The following CAMTA1 variants were observed in gnomAD, a reference collection of about 807,000 sequenced individuals.
CAMTA1 encodes calmodulin-binding transcription activator 1.
A neutral mutation model predicts 170.9 loss-of-function variants in CAMTA1; 27 were observed. That is an observed-to-expected ratio of 0.16 (90% CI 0.12 to 0.22). The LOEUF is 0.22. Ranked by LOEUF, CAMTA1 falls within the 10% of genes least tolerant of loss-of-function variation. CAMTA1 has a pLI of 1.00. For missense variants in CAMTA1, 1,619 were observed against 2,217.2 expected (o/e 0.73, Z 5.42); for synonymous variants, 833 against 891.5 (o/e 0.93, Z 1.17).
Position 7,333,304 on chromosome 1 carries a change from T to C in CAMTA1, c.438+83678T>C, listed in dbSNP as rs541454286. Among the ~76,000 whole-genome samples, 53 of 152,306 alleles carry C rather than the reference T, an allele frequency of 3.5e-4. No homozygotes were observed. The highest frequency in any genetic ancestry group is 1.3e-3 in the African/African-American group (52 of 41,578). ...GCAAGCTTTGGCAATTGACATGAGT[T>C]GAACCTAGTTGTCATTCCTGCCGGT... On this transcript the variant is annotated intron_variant, in intron 5 of 22. Transcript: ENST00000303635. This position sits in a 1 kb window ranked among gnomAD's most constrained non-coding sequence, Gnocchi z 4.4.
chr1:7,298,118 ATCTG>A (rs1674236340), intron 5 of CAMTA1, among the ~76,000 whole-genome samples: 1 of 152,184 alleles, frequency 6.6e-6, no homozygotes, highest in South Asian at 2.1e-4. Context: ...TTAGGCTGGT[ATCTG>A]TCTGTAGAGG....
At chr1:7,106,270 G>GAA (rs1553247388) in intron 4 of CAMTA1, among the ~76,000 whole-genome samples, 1 of 151,524 alleles carries the variant, frequency 6.6e-6, no homozygotes, top group Non-Finnish European at 1.5e-5. Flanking sequence ...GAGAGAGAGA[G>GAA]AGAAAGAAAG....
In CAMTA1 at chr1:7,542,838, A is replaced by AGTTTGTGTGT. The variant is rs745940570; in HGVS notation, c.510+74939_510+74940insTTGTGTGTGT. On this transcript the variant is annotated intron_variant, in intron 6 of 22. Transcript: ENST00000303635. ...AGCCACCACGCCTGGCCTAAAACAC[A>AGTTTGTGTGT]GTGTGTGTGTGTGTGTGTGTGTGTG... 1.4e-3 allele frequency among the ~76,000 whole-genome samples: 80 copies of AGTTTGTGTGT among 56,008 alleles called. 1 individual carries two copies. The highest frequency in any genetic ancestry group is 3.2e-3 in the African/African-American group (47 of 14,600). 36.7% of individuals were successfully genotyped at this position (56,008 alleles called of 152,430 possible).
At chr1:6,910,016 G>A (rs925032856) in intron 3 of CAMTA1, among the ~76,000 whole-genome samples, 8 of 152,244 alleles carry the variant, frequency 5.3e-5, no homozygotes, top group African/African-American at 1.9e-4. Flanking sequence ...CTGAAAATCA[G>A]TTGGCCTTTC....
intron 5 of CAMTA1, among the ~76,000 whole-genome samples, chr1:7,298,984 G>C (rs1361725893): frequency 2.6e-5 from 4 of 152,158 alleles, no homozygotes; most frequent in Non-Finnish European, 5.9e-5. Context: ...AGCTAAGGAG[G>C]CTATTTGCTT....
intron 4 of CAMTA1, among the ~76,000 whole-genome samples, chr1:7,246,555 T>A (rs1463370039): frequency 1.3e-5 from 2 of 152,012 alleles, no homozygotes; most frequent in Non-Finnish European, 2.9e-5. Flanking sequence ...TCATGAAGTG[T>A]GTTAAAGCCC....
rs145233171 is a variant in CAMTA1, at chr1:7,663,850, G to A, written c.1303G>A (p.Val435Met). 31 of 1,613,908 alleles carry A rather than the reference G, an allele frequency of 1.9e-5. No homozygotes were observed. The highest frequency in any genetic ancestry group is 1.9e-4 in the African/African-American group (14 of 74,916). The change falls in exon 9 of 23, where the codon GTG becomes ATG. Residue 435 changes from valine to methionine, a missense_variant. Around this residue, in one of 8 missense-constraint regions of CAMTA1, gnomAD observed 731 missense variants for 907.6 expected, o/e 0.81. Coordinates refer to ENST00000303635, the MANE Select transcript of CAMTA1 (RefSeq NM_015215.4). ...CGCCTCTCAGGGCCTCGTCCTGGCC[G>A]TGAGCTCTGATGGCCACAAGTTCGC... ...PDASQGLVLA[V>M]SSDGHKFAFP...
chr1:7,561,817 G>A lies in CAMTA1; in HGVS notation c.511-78583G>A, dbSNP rs894217382. Among the ~76,000 whole-genome samples the A allele has an allele frequency of 6.6e-6, 1 of 152,056 alleles. No individual in the cohort carries two copies. Among genetic ancestry groups the A allele is most frequent in the Non-Finnish European group, 1.5e-5 (1 of 68,008 alleles). ...TACCTCCCACAAGCAGAAATGACTC[G>A]GGGATGGATGAGAACGAACCCTCAT... On this transcript the variant is annotated intron_variant, in intron 6 of 22. Transcript: ENST00000303635. This position sits in a 1 kb window ranked among gnomAD's most constrained non-coding sequence, Gnocchi z 5.3.
intron 5 of CAMTA1, among the ~76,000 whole-genome samples, chr1:7,369,690 C>T (rs1327423161): frequency 1.3e-5 from 2 of 152,072 alleles, no homozygotes; most frequent in Admixed American, 6.5e-5. Context: ...TACTGGGGCT[C>T]ACACATAGAC....
At chr1:7,028,770 T>C (rs893313450) in intron 3 of CAMTA1, among the ~76,000 whole-genome samples, 1 of 152,236 alleles carries the variant, frequency 6.6e-6, no homozygotes, top group African/African-American at 2.4e-5. Context: ...AGTAAGTGTT[T>C]GGACTGTCAG....
At chr1:7,376,127 AG>A (rs1235386302) in intron 5 of CAMTA1, among the ~76,000 whole-genome samples, 1 of 152,270 alleles carries the variant, frequency 6.6e-6, no homozygotes, top group Non-Finnish European at 1.5e-5. Flanking sequence ...GTTTATTTAT[AG>A]CATCCTGGCC....
chr1:7,039,249 T>G (rs1482598184), intron 3 of CAMTA1, among the ~76,000 whole-genome samples: 2 of 151,980 alleles, frequency 1.3e-5, no homozygotes, highest in Non-Finnish European at 2.9e-5. Context: ...CCACTTTTCT[T>G]CCTCCTCCTC....
At chr1:6,905,050 C>G (rs1174134459) in intron 3 of CAMTA1, among the ~76,000 whole-genome samples, 1 of 152,138 alleles carries the variant, frequency 6.6e-6, no homozygotes, top group Non-Finnish European at 1.5e-5. Flanking sequence ...TGCTGTGTGG[C>G]ACTCCCTGGA....
chr1:7,363,651 C>T (rs747041975), intron 5 of CAMTA1, among the ~76,000 whole-genome samples: 5 of 152,140 alleles, frequency 3.3e-5, no homozygotes, highest in Admixed American at 6.5e-5. Context: ...ATTTAAGCCC[C>T]GTGATTAGCA....
intron 3 of CAMTA1, among the ~76,000 whole-genome samples, chr1:6,880,383 G>GTTTTTTTTTTTTTTTTT (rs34745856): frequency 4.5e-5 from 3 of 67,204 alleles, no homozygotes; most frequent in African/African-American, 1.8e-4. Flanking sequence ...CTCTAAAAGT[G>GTTTTTTTTTTTTTTTTT]TTTTTTTTTT....
At chr1:7,618,086 C>T (rs2095571886) in intron 6 of CAMTA1, among the ~76,000 whole-genome samples, 1 of 152,192 alleles carries the variant, frequency 6.6e-6, no homozygotes, top group East Asian at 1.9e-4. Flanking sequence ...TGGGCAGGTT[C>T]CTTGGGGGCC....
chr1:7,546,336 T>G (rs1005790514), intron 6 of CAMTA1, among the ~76,000 whole-genome samples: 2 of 152,212 alleles, frequency 1.3e-5, no homozygotes, highest in African/African-American at 4.8e-5. Context: ...CATGTTCTCA[T>G]TCCTTTTTAT....
At chr1:6,850,459 T>G (rs1040501602) in intron 3 of CAMTA1, among the ~76,000 whole-genome samples, 1 of 152,168 alleles carries the variant, frequency 6.6e-6, no homozygotes, top group African/African-American at 2.4e-5. Flanking sequence ...TGACAGGAAT[T>G]ACAGAAGGGG....
chr1:7,602,117 T>C (rs1350951530), intron 6 of CAMTA1, among the ~76,000 whole-genome samples: 28 of 139,084 alleles, frequency 2.0e-4, no homozygotes, highest in African/African-American at 7.9e-4. Context: ...CCTTCCTTCC[T>C]TCCTTCCTTC....
Sources: allele counts gnomAD v4.1 joint callset (sites outside exome capture counted in the v4.1 genomes callset), GRCh38; gene constraint gnomAD v4.1.1; regional missense constraint gnomAD v4.1.1; non-coding constraint Gnocchi (gnomAD v3.1); transcripts MANE v1.5; gene names NCBI Gene and HGNC (gene_info 2026-07-23, HGNC 2026-07-21).